The following TIAM1 variants were observed in gnomAD, a reference collection of about 807,000 sequenced individuals.
TIAM1 encodes the protein TIAM Rac1 associated GEF 1, also known as rho guanine nucleotide exchange factor TIAM1.
Under a neutral mutation model 163.5 loss-of-function variants are expected in TIAM1, and 65 were observed. The observed-to-expected ratio is 0.40, with a 90% confidence interval of 0.33 to 0.49. The LOEUF (loss-of-function observed/expected upper bound fraction) is 0.49. TIAM1 is among the 20% of genes least tolerant of loss of function. The pLI, the probability that TIAM1 is intolerant of heterozygous loss-of-function variation, is 0.77. For missense variants in TIAM1, 1,789 were observed against 2,044.7 expected (o/e 0.87, Z 2.41); for synonymous variants, 833 against 810.1 (o/e 1.03, Z -0.48).
At chr21:31,310,787 TAAAGG>T (rs1437954589) in intron 2 of TIAM1, among the ~76,000 whole-genome samples, 1 of 152,010 alleles carries the variant, frequency 6.6e-6, no homozygotes, top group African/African-American at 2.4e-5. Context: ...CCAAAAACCC[TAAAGG>T]AAAGGTTACA....
At chr21:31,400,647 A>T (rs892267298) in intron 2 of TIAM1, among the ~76,000 whole-genome samples, 2 of 152,218 alleles carry the variant, frequency 1.3e-5, no homozygotes, top group African/African-American at 4.8e-5. Flanking sequence ...ACTGAAATTC[A>T]AAGAACTTCG....
chr21:31,180,445 T>G (rs983407863), intron 15 of TIAM1, among the ~76,000 whole-genome samples: 11 of 152,038 alleles, frequency 7.2e-5, no homozygotes, highest in African/African-American at 2.7e-4. Context: ...ATGGCATGAC[T>G]GTGTTCCAAT....
At position 31,396,205 on chromosome 21, in the gene TIAM1, G is replaced by A. The variant is rs184560694; in HGVS notation, c.-368-56783C>T. On this transcript the variant is annotated intron_variant, in intron 2 of 28. Coordinates refer to the TIAM1 transcript ENST00000286827. ...GCTTGTTTGTGGTTCAACTTATGCC[G>A]ATTCCTACTGCCCAAAATCCAAACA... 1.7e-3 allele frequency among the ~76,000 whole-genome samples: 255 copies of A among 152,310 alleles called. 1 individual carries two copies. The highest frequency in any genetic ancestry group is 5.6e-3 in the South Asian group (27 of 4,828).
chr21:31,197,192 G>A (rs185923773), intron 12 of TIAM1, among the ~76,000 whole-genome samples: 32 of 152,122 alleles, frequency 2.1e-4, no homozygotes, highest in Middle Eastern at 3.4e-3. Flanking sequence ...AGCATCATGC[G>A]ATATACTCAG....
chr21:31,205,506 T>C (rs2086404252), intron 11 of TIAM1, among the ~76,000 whole-genome samples: 1 of 152,192 alleles, frequency 6.6e-6, no homozygotes, highest in South Asian at 2.1e-4. Context: ...CAGGCACAAA[T>C]AGCCTAAGGT....
At chr21:31,361,133 T>C (rs531665163) in intron 2 of TIAM1, among the ~76,000 whole-genome samples, 3 of 152,228 alleles carry the variant, frequency 2.0e-5, no homozygotes, top group African/African-American at 7.2e-5. Context: ...TCACCAGCAG[T>C]AGAATGGATT....
intron 4 of TIAM1, among the ~76,000 whole-genome samples, chr21:31,262,880 T>C (rs909763679): frequency 1.3e-5 from 2 of 152,232 alleles, no homozygotes; most frequent in Middle Eastern, 3.4e-3. Context: ...AAGGAGACTT[T>C]AATATCTATG....
intron 6 of TIAM1, among the ~76,000 whole-genome samples, chr21:31,229,163 G>A (rs1011731057): frequency 4.6e-5 from 7 of 152,112 alleles, no homozygotes; most frequent in Non-Finnish European, 8.8e-5. Flanking sequence ...TTTTTGGTGG[G>A]ATGAGATGCA....
intron 1 of TIAM1, among the ~76,000 whole-genome samples, chr21:31,496,867 G>A (rs2046676430): frequency 1.3e-5 from 2 of 152,042 alleles, no homozygotes; most frequent in African/African-American, 4.8e-5. Context: ...TGGGGTGGGG[G>A]GTCGGGGAGG....
Position 31,120,895 on chromosome 21 carries a change from A to C in TIAM1, c.4307-58T>G. ...CCCCCACATGCTTTACGTGAGATGA[A>C]AATCCAGAAAGCAAAGGACAGGAGA... On this transcript the variant is annotated intron_variant, in intron 27 of 27. Transcript: ENST00000541036. This position sits in a 1 kb window ranked among gnomAD's most constrained non-coding sequence, Gnocchi z 4.2. The C allele has an allele frequency of 3.4e-6, 5 of 1,468,962 alleles. No homozygotes were observed. The highest frequency in any genetic ancestry group is 4.5e-6 in the Non-Finnish European group (5 of 1,104,456). The allele number at this position is 1,468,962 out of a possible 1,614,324, so 91.0% of individuals were successfully genotyped here. A position where few individuals can be genotyped will look rare whatever the true frequency, so the allele number is the denominator to read the frequency against.
chr21:31,403,506 G>A (rs537133243), intron 2 of TIAM1, among the ~76,000 whole-genome samples: 6 of 152,150 alleles, frequency 3.9e-5, no homozygotes, highest in South Asian at 2.1e-4. Context: ...ACAACTCCCC[G>A]CTGCTTTTTT....
intron 2 of TIAM1, among the ~76,000 whole-genome samples, chr21:31,349,780 G>A (rs561499677): frequency 2.6e-5 from 4 of 152,146 alleles, no homozygotes; most frequent in Non-Finnish European, 2.9e-5. Flanking sequence ...GAGAAGAGCC[G>A]GTTCAAGTCC....
intron 2 of TIAM1, among the ~76,000 whole-genome samples, chr21:31,316,567 T>G (rs974012192): frequency 6.6e-6 from 1 of 152,194 alleles, no homozygotes; most frequent in Admixed American, 6.5e-5. Context: ...TAATCAGGAC[T>G]GTGTGGTTTG....
At chr21:31,229,124 T>C (rs1221286765) in intron 6 of TIAM1, among the ~76,000 whole-genome samples, 1 of 152,024 alleles carries the variant, frequency 6.6e-6, no homozygotes, top group African/African-American at 2.4e-5. Context: ...TAAACTAATA[T>C]ACAGTATTAG....
chr21:31,331,850 C>T (rs1164214791), intron 2 of TIAM1, among the ~76,000 whole-genome samples: 1 of 152,132 alleles, frequency 6.6e-6, no homozygotes, highest in African/African-American at 2.4e-5. Flanking sequence ...AAGAGGCAGG[C>T]AACTCACATT....
At chr21:31,216,836 G>C (rs1302700741) in intron 9 of TIAM1, among the ~76,000 whole-genome samples, 1 of 152,130 alleles carries the variant, frequency 6.6e-6, no homozygotes, top group Non-Finnish European at 1.5e-5. Flanking sequence ...TTTAATGTCA[G>C]CTCCAAAAAG....
At chr21:31,138,295 GT>G (rs2082703356) in intron 22 of TIAM1, among the ~76,000 whole-genome samples, 1 of 152,182 alleles carries the variant, frequency 6.6e-6, no homozygotes, top group Admixed American at 6.5e-5. Flanking sequence ...TCAAAAAGCT[GT>G]TTCTTTGCCA....
intron 6 of TIAM1, among the ~76,000 whole-genome samples, chr21:31,227,291 C>T (rs151065306): frequency 1.1e-3 from 163 of 152,218 alleles, no homozygotes; most frequent in African/African-American, 3.5e-3. Context: ...AGGAACCCAC[C>T]AGCACATGAC....
intron 2 of TIAM1, among the ~76,000 whole-genome samples, chr21:31,281,511 A>C (rs917262568): frequency 6.6e-6 from 1 of 152,226 alleles, no homozygotes; most frequent in African/African-American, 2.4e-5. Flanking sequence ...TTTCCTTTAC[A>C]TTGAGCTTAA....
Sources: allele counts gnomAD v4.1 joint callset (sites outside exome capture counted in the v4.1 genomes callset), GRCh38; gene constraint gnomAD v4.1.1; non-coding constraint Gnocchi (gnomAD v3.1); transcripts MANE v1.5; gene names NCBI Gene and HGNC (gene_info 2026-07-23, HGNC 2026-07-21).